WDR49: variants seen among roughly 807,000 people sequenced by gnomAD.
WDR49 encodes cilia- and flagella-associated protein 337.
Under a neutral mutation model 119.5 loss-of-function variants are expected in WDR49, and 107 were observed. The observed-to-expected ratio is 0.90, with a 90% CI of 0.77 to 1.05. WDR49 has a LOEUF of 1.05. Among genes scored for constraint, WDR49 ranks in the 50% least tolerant of loss-of-function variants. The probability of loss-of-function intolerance (pLI) is 0.00; values close to 1 mark genes in which losing one functional copy is unlikely to be tolerated. For missense variants in WDR49, 1,240 were observed against 1,220.5 expected, an observed-to-expected ratio of 1.02 and a Z score of -0.24; for synonymous variants, 425 against 418.8, an observed-to-expected ratio of 1.01 and a Z score of -0.18.
At chr3:167,553,305 C>T (rs1025516517) in intron 10 of WDR49, among the ~76,000 whole-genome samples, 1 of 152,044 alleles carries the variant, frequency 6.6e-6, no homozygotes, top group Admixed American at 6.6e-5. Context: ...TTTTCCTACT[C>T]TCATACCAGT....
At chr3:167,618,466 A>ATGTG (rs113548147) in intron 5 of WDR49, among the ~76,000 whole-genome samples, 2 of 151,994 alleles carry the variant, frequency 1.3e-5, no homozygotes, top group Non-Finnish European at 2.9e-5. Context: ...TTTAAAGTAA[A>ATGTG]TGTGTGTGTG....
chr3:167,539,923 C>T (rs541527997), intron 10 of WDR49, among the ~76,000 whole-genome samples: 6 of 152,212 alleles, frequency 3.9e-5, no homozygotes, highest in African/African-American at 1.2e-4. Context: ...ATACCTACCA[C>T]GATAGGCATT....
chr3:167,600,320 C>T (rs541614627), intron 7 of WDR49, among the ~76,000 whole-genome samples: 24 of 152,056 alleles, frequency 1.6e-4, no homozygotes, highest in South Asian at 6.2e-4. Flanking sequence ...TCAGGCACTA[C>T]GACTCACCTA....
At chr3:167,516,738 C>T (rs1191729214) in intron 16 of WDR49, among the ~76,000 whole-genome samples, 2 of 152,056 alleles carry the variant, frequency 1.3e-5, no homozygotes, top group Admixed American at 6.6e-5. Flanking sequence ...AACTAACGAC[C>T]TTCTGCACAG....
Position 167,620,426 on chromosome 3 carries a change from T to C in WDR49, c.958+3A>G. The C allele has an allele frequency of 6.5e-7, 1 of 1,534,478 alleles. No individual in the cohort carries two copies. On this transcript the variant is annotated splice_donor_region_variant and intron_variant, in intron 5 of 18. Transcript: ENST00000682715. ...TACTTTCATTACTGTTCAAATTCAA[T>C]ACCTTGCCTGACCCAATCTCCTTGA...
intron 18 of WDR49, among the ~76,000 whole-genome samples, chr3:167,492,899 C>G (rs964353779): frequency 6.8e-6 from 1 of 146,796 alleles, no homozygotes; most frequent in African/African-American, 2.5e-5. Flanking sequence ...CCCAACATGA[C>G]GTAGAAGGAC....
chr3:167,580,787 T>C (rs1430240340), intron 7 of WDR49, among the ~76,000 whole-genome samples: 3 of 152,202 alleles, frequency 2.0e-5, no homozygotes, highest in African/African-American at 7.2e-5. Flanking sequence ...TCTTTTATAT[T>C]CAAGTTGACT....
At chr3:167,496,422 G>C (rs942756164) in intron 18 of WDR49, among the ~76,000 whole-genome samples, 9 of 151,402 alleles carry the variant, frequency 5.9e-5, no homozygotes, top group Non-Finnish European at 1.0e-4. Flanking sequence ...CCACCTTAGA[G>C]CTGCTTATAC....
At chr3:167,491,984 A>G (rs1447103627) in intron 18 of WDR49, among the ~76,000 whole-genome samples, 1 of 152,188 alleles carries the variant, frequency 6.6e-6, no homozygotes, top group East Asian at 1.9e-4. Flanking sequence ...AGTTTAGGAC[A>G]TTGAAAGTGA....
chr3:167,581,112 A>C (rs1714507430), intron 7 of WDR49, among the ~76,000 whole-genome samples: 1 of 152,206 alleles, frequency 6.6e-6, no homozygotes, highest in Non-Finnish European at 1.5e-5. Context: ...GATTAACAAG[A>C]ATAAGCACCT....
At chr3:167,649,537 T>C (rs1257376432) in intron 2 of WDR49, among the ~76,000 whole-genome samples, 1 of 152,180 alleles carries the variant, frequency 6.6e-6, no homozygotes, top group Non-Finnish European at 1.5e-5. Flanking sequence ...TAAATGTAAT[T>C]GTATTACCCG....
intron 11 of WDR49, among the ~76,000 whole-genome samples, chr3:167,534,418 C>T (rs1170314541): frequency 6.6e-6 from 1 of 152,122 alleles, no homozygotes; most frequent in Admixed American, 6.5e-5. Context: ...ACAACCACAC[C>T]ATTTTACACT....
intron 16 of WDR49, among the ~76,000 whole-genome samples, chr3:167,520,153 G>A (rs112641055): frequency 4.6e-5 from 7 of 151,926 alleles, no homozygotes; most frequent in African/African-American, 1.7e-4. Context: ...AGGCTGAGGT[G>A]GGAGGATTGA....
rs746339528 is a variant in WDR49, at chr3:167,560,052, T to C, written c.1674+12A>G. On this transcript the variant is annotated intron_variant, in intron 9 of 18. Coordinates refer to ENST00000682715, the MANE Select transcript of WDR49 (RefSeq NM_001366157.1). ...CTCATATCTGGATAGAAAAGCATCA[T>C]TGTGTTCGCACCTTTACAGTCCCAT... 4 of 1,613,654 alleles carry C rather than the reference T, an allele frequency of 2.5e-6. No individual in the cohort carries two copies. Among genetic ancestry groups the C allele is most frequent in the East Asian group, 2.2e-5 (1 of 44,874 alleles).
intron 10 of WDR49, among the ~76,000 whole-genome samples, chr3:167,550,669 T>G (rs1267530005): frequency 5.3e-5 from 8 of 151,856 alleles, no homozygotes; most frequent in Admixed American, 4.6e-4. Flanking sequence ...ATACAATTTT[T>G]ATTTGTCAGT....
intron 5 of WDR49, among the ~76,000 whole-genome samples, chr3:167,608,625 CA>C (rs1193443085): frequency 1.1e-4 from 17 of 152,244 alleles, no homozygotes; most frequent in African/African-American, 3.9e-4. Context: ...AGAGAAAAGC[CA>C]TTTCCTTAAA....
chr3:167,566,841 T>C (rs1286146936), intron 8 of WDR49: 4 of 669,882 alleles, frequency 6.0e-6, no homozygotes, highest in South Asian at 1.7e-5. Context: ...ATTTATTGAG[T>C]GGAAGTCAAT....
At chr3:167,580,685 C>T (rs1024136800) in intron 7 of WDR49, among the ~76,000 whole-genome samples, 3 of 152,030 alleles carry the variant, frequency 2.0e-5, no homozygotes, top group African/African-American at 7.2e-5. Flanking sequence ...TCATAAAAGC[C>T]CTCACATTAA....
chr3:167,639,388 G>T (rs1717776007), intron 2 of WDR49, among the ~76,000 whole-genome samples: 1 of 151,632 alleles, frequency 6.6e-6, no homozygotes, highest in African/African-American at 2.4e-5. Flanking sequence ...AGACTTCTCT[G>T]AGGTCACATA....
Sources: allele counts gnomAD v4.1 joint callset (sites outside exome capture counted in the v4.1 genomes callset), GRCh38; gene constraint gnomAD v4.1.1; transcripts MANE v1.5; gene names NCBI Gene and HGNC (gene_info 2026-07-23, HGNC 2026-07-21).